Variants in KLHL2 observed in about 807,000 individuals in gnomAD.
KLHL2 encodes the protein kelch like family member 2.
KLHL2 carries 15 observed loss-of-function variants against 75.8 expected under a neutral mutation model. The observed-to-expected ratio is 0.20, with a 90% CI of 0.13 to 0.30. KLHL2 has a LOEUF of 0.30. KLHL2 is among the 10% of genes least tolerant of loss of function. The pLI is 1.00. For synonymous variants in KLHL2, 214 were observed against 251.9 expected, an observed-to-expected ratio of 0.85 and a Z score of 1.42; for missense variants, 381 against 741.0, an observed-to-expected ratio of 0.51 and a Z score of 5.64.
intron 5 of KLHL2, among the ~76,000 whole-genome samples, chr4:165,280,865 GT>G (rs1162870804): frequency 1.3e-5 from 2 of 152,110 alleles, no homozygotes; most frequent in East Asian, 1.9e-4. Flanking sequence ...GACATACATG[GT>G]TTTTTTCTCC....
chr4:165,291,713 G>A (rs1038389939), intron 5 of KLHL2, among the ~76,000 whole-genome samples: 9 of 152,102 alleles, frequency 5.9e-5, no homozygotes, highest in African/African-American at 1.9e-4. Flanking sequence ...CACATCCATG[G>A]GGTATTGATT....
At position 165,276,813 on chromosome 4, in the gene KLHL2, T is replaced by C. The variant is rs567377105; in HGVS notation, c.544+13454T>C. ...TTTTCTACTTAGGTATTTAACTTTT[T>C]TGACATCCTCTTATCCCCTCAATAG... On this transcript the variant is annotated intron_variant, in intron 5 of 14. Transcript: ENST00000226725. Among the ~76,000 whole-genome samples, 61 of 152,308 alleles carry C rather than the reference T, an allele frequency of 4.0e-4. 2 individuals carry two copies. In the South Asian group the frequency reaches 0.013, roughly 32 times the overall value.
At chr4:165,249,802 TG>T (rs1018167381) in intron 4 of KLHL2, among the ~76,000 whole-genome samples, 43 of 152,180 alleles carry the variant, frequency 2.8e-4, no homozygotes, top group African/African-American at 8.9e-4. Flanking sequence ...GATTTAATAA[TG>T]TGGACCATTT....
At chr4:165,283,027 A>AC (rs1471157271) in intron 5 of KLHL2, among the ~76,000 whole-genome samples, 1 of 151,960 alleles carries the variant, frequency 6.6e-6, no homozygotes, top group Non-Finnish European at 1.5e-5. Context: ...CATTTTTAAA[A>AC]CCATCAGATC....
chr4:165,315,276 TA>T (rs1390437892), intron 13 of KLHL2, among the ~76,000 whole-genome samples: 1 of 152,214 alleles, frequency 6.6e-6, no homozygotes. Context: ...TATATGTGTT[TA>T]TTGTTTTCAT....
intron 5 of KLHL2, among the ~76,000 whole-genome samples, chr4:165,272,058 T>C (rs1309011135): frequency 6.6e-6 from 1 of 152,184 alleles, no homozygotes. Flanking sequence ...TTCAAAGTGG[T>C]TAGTTGAAAA....
At chr4:165,308,779 A>G (rs752929238) in intron 9 of KLHL2, among the ~76,000 whole-genome samples, 1 of 152,206 alleles carries the variant, frequency 6.6e-6, no homozygotes, top group African/African-American at 2.4e-5. Context: ...ATTTTGGGAT[A>G]CAGGATTGTT....
intron 4 of KLHL2, among the ~76,000 whole-genome samples, chr4:165,246,648 T>G (rs907564392): frequency 6.6e-6 from 1 of 152,206 alleles, no homozygotes; most frequent in Non-Finnish European, 1.5e-5. Flanking sequence ...CCTGCATTTT[T>G]GGCCTGAGCA....
chr4:165,260,832 T>G (rs985895106), intron 4 of KLHL2, among the ~76,000 whole-genome samples: 16 of 152,334 alleles, frequency 1.1e-4, no homozygotes, highest in African/African-American at 3.8e-4. Context: ...AGCATATCTA[T>G]AGGTTAAATT....
intron 4 of KLHL2, among the ~76,000 whole-genome samples, chr4:165,261,306 GT>G (rs1472122435): frequency 1.3e-5 from 2 of 152,116 alleles, no homozygotes; most frequent in Non-Finnish European, 2.9e-5. Flanking sequence ...CATGCAAAAA[GT>G]TTGGCTGTAA....
At chr4:165,255,482 TG>T (rs1256666964) in intron 4 of KLHL2, among the ~76,000 whole-genome samples, 1 of 152,004 alleles carries the variant, frequency 6.6e-6, no homozygotes, top group Non-Finnish European at 1.5e-5. Flanking sequence ...AGGTTGCATG[TG>T]GGGTACAGGA....
At chr4:165,309,214 A>G (rs1434937814) in intron 9 of KLHL2, among the ~76,000 whole-genome samples, 1 of 152,220 alleles carries the variant, frequency 6.6e-6, no homozygotes, top group Non-Finnish European at 1.5e-5. Context: ...TTAAACCTGA[A>G]GTACACAACA....
At position 165,310,675 on chromosome 4, in the gene KLHL2, G is replaced by T. The variant is rs745397855; in HGVS notation, c.1162G>T (p.Asp388Tyr). The T allele has an allele frequency of 6.2e-7, 1 of 1,614,112 alleles. No individual in the cohort carries two copies. Among genetic ancestry groups the T allele is most frequent in the Non-Finnish European group, 8.5e-7 (1 of 1,179,980 alleles). ...DQWTSVANMR[D>Y]RRSTLGAAVL... ...GTGGACCAGCGTTGCTAACATGAGA[G>T]ACCGGAGAAGCACTTTGGGAGCTGC... Residue 388 changes from aspartate to tyrosine, a missense_variant, in exon 10 of 15, where the codon GAC (aspartate) becomes TAC (tyrosine). By Grantham distance (160) the Asp-to-Tyr change is radical. Around this residue, in one of 5 missense-constraint regions of KLHL2, gnomAD observed 168 missense variants for 370.4 expected, o/e 0.45. Coordinates refer to ENST00000226725, the MANE Select transcript of KLHL2 (RefSeq NM_007246.4).
At chr4:165,310,502 G>A (rs770482072) in intron 9 of KLHL2, 51 bp from the exon 10 acceptor site, 10 of 1,426,444 alleles carry the variant, frequency 7.0e-6, no homozygotes, top group Non-Finnish European at 9.9e-6. Flanking sequence ...TTTGGATATT[G>A]GTGGTAGTTG....
chr4:165,276,954 A>G (rs571163406), intron 5 of KLHL2, among the ~76,000 whole-genome samples: 5 of 152,318 alleles, frequency 3.3e-5, no homozygotes, highest in African/African-American at 1.2e-4. Flanking sequence ...GGCTAAGACA[A>G]TTAAATAAAA....
At chr4:165,242,953 A>T (rs1044576513) in intron 4 of KLHL2, among the ~76,000 whole-genome samples, 3 of 152,240 alleles carry the variant, frequency 2.0e-5, no homozygotes, top group Non-Finnish European at 4.4e-5. Context: ...GCCTCCATAT[A>T]AGATAGGTGT....
At chr4:165,222,602 G>C (rs1220411300) in intron 2 of KLHL2, among the ~76,000 whole-genome samples, 3 of 152,124 alleles carry the variant, frequency 2.0e-5, no homozygotes, top group Non-Finnish European at 4.4e-5. Context: ...TTTAAAAATG[G>C]ACTGTCGTTG....
chr4:165,296,950 T>C (rs1744959415), intron 6 of KLHL2, among the ~76,000 whole-genome samples: 1 of 152,140 alleles, frequency 6.6e-6, no homozygotes, highest in East Asian at 1.9e-4. Context: ...CAATAAAAGG[T>C]TGCCAAAATG....
At chr4:165,217,450 C>G (rs1490901616) in intron 1 of KLHL2, among the ~76,000 whole-genome samples, 1 of 152,156 alleles carries the variant, frequency 6.6e-6, no homozygotes, top group African/African-American at 2.4e-5. Flanking sequence ...CTGGGTGTAA[C>G]TAATTCCCTA....
Sources: gnomAD v4.1 joint callset for allele counts (sites outside exome capture counted in the v4.1 genomes callset) on GRCh38, gnomAD v4.1.1 for gene constraint, gnomAD v4.1.1 regional missense constraint, MANE v1.5 for transcripts, NCBI Gene and HGNC (gene_info 2026-07-23, HGNC 2026-07-21) for gene names.